Variants in RELL1 observed in about 807,000 individuals in gnomAD.
RELL1 encodes the protein RELT like 1.
Under a neutral mutation model 23.0 loss-of-function variants are expected in RELL1, and 10 were observed. That is an observed-to-expected ratio of 0.43 (90% CI 0.27 to 0.74). The LOEUF (loss-of-function observed/expected upper bound fraction) is 0.74, where lower values mean the gene tolerates loss of function less well. RELL1 is among the 30% of genes least tolerant of loss of function. The pLI, the probability that RELL1 is intolerant of heterozygous loss-of-function variation, is 0.19. For synonymous variants in RELL1, 146 were observed against 146.8 expected, an observed-to-expected ratio of 0.99 and a Z score of 0.04; for missense variants, 315 against 364.4, an observed-to-expected ratio of 0.86 and a Z score of 1.10.
intron 1 of RELL1, among the ~76,000 whole-genome samples, chr4:37,660,894 G>A (rs1483793726): frequency 3.3e-5 from 5 of 152,040 alleles, no homozygotes; most frequent in Admixed American, 2.6e-4. Context: ...AGCCAGGCAT[G>A]GTGGCGGGCG....
downstream of RELL1, among the ~76,000 whole-genome samples, chr4:37,608,155 C>T (rs1719280065): frequency 1.3e-5 from 2 of 152,258 alleles, no homozygotes; most frequent in South Asian, 4.2e-4. Flanking sequence ...TCCCTCTCCT[C>T]AGGCCTCCCT....
chr4:37,603,152 C>G (rs1719061261), intron 6 of RELL1, among the ~76,000 whole-genome samples: 1 of 152,178 alleles, frequency 6.6e-6, no homozygotes, highest in Non-Finnish European at 1.5e-5. Context: ...CAGCACCAAC[C>G]CCCCAACGGC....
chr4:37,621,327 G>A (rs1439877881), intron 6 of RELL1, among the ~76,000 whole-genome samples: 1 of 151,994 alleles, frequency 6.6e-6, no homozygotes, highest in Admixed American at 6.6e-5. Flanking sequence ...GTGGTGGTGG[G>A]CACCTGCAGT....
At chr4:37,667,518 G>A (rs1721577924) in intron 1 of RELL1, among the ~76,000 whole-genome samples, 1 of 147,036 alleles carries the variant, frequency 6.8e-6, no homozygotes, top group Non-Finnish European at 1.5e-5. Context: ...TCAACATTCA[G>A]TAAAAGTCCA....
At chr4:37,621,325 G>A (rs1719755833) in intron 6 of RELL1, among the ~76,000 whole-genome samples, 1 of 151,970 alleles carries the variant, frequency 6.6e-6, no homozygotes. Context: ...GCGTGGTGGT[G>A]GGCACCTGCA....
chr4:37,590,045 A>G, downstream of RELL1: 3 of 1,412,794 alleles, frequency 2.1e-6, no homozygotes, highest in Non-Finnish European at 2.9e-6. Context: ...AAAAGCATTA[A>G]TGATGGAGCA....
intron 6 of RELL1, among the ~76,000 whole-genome samples, chr4:37,627,619 G>A (rs935409395): frequency 6.6e-6 from 1 of 152,112 alleles, no homozygotes; most frequent in Admixed American, 6.5e-5. Flanking sequence ...AAGGGAGAGA[G>A]AGAAATCCTG....
In RELL1 at chr4:37,611,571, AAAAG is replaced by A. The variant is rs1433321291; in HGVS notation, c.*1771_*1774del. ...AGATGTGCATTTTCCTATATGAAAT[AAAAG>A]AAGTGCTCAAGGCACCCCCCAACAC... On this transcript the variant is annotated 3_prime_UTR_variant, in exon 7 of 7. Coordinates refer to ENST00000454158, the MANE Select transcript of RELL1 (RefSeq NM_001085400.2). Among the ~76,000 whole-genome samples the A allele has an allele frequency of 2.6e-5, 4 of 152,200 alleles. No homozygotes were observed. In the East Asian group the frequency reaches 7.7e-4, roughly 29 times the overall value.
rs2109323917 is a variant in RELL1 at position 37,686,240 on chromosome 4, G to A, written c.48C>T (p.Val16=). The stretch of plus-strand genomic sequence containing the variant: ...GCGAACTCACGGCGCCTCCCACGAA[G>A]ACAGCAGCGGCTAGGACGGCGGACC... ...LPGSAVLAAA[V]FVGGAVSSPL... The change falls in exon 1 of 7, where the codon GTC becomes GTT. Residue 16 remains valine, a synonymous_variant. Coordinates refer to ENST00000454158, the MANE Select transcript of RELL1 (RefSeq NM_001085400.2). The A allele has an allele frequency of 6.3e-7, 1 of 1,580,466 alleles. No individual in the cohort carries two copies. The highest frequency in any genetic ancestry group is 8.5e-7 in the Non-Finnish European group (1 of 1,171,466).
chr4:37,604,359 C>CAG (rs111637682), intron 6 of RELL1, among the ~76,000 whole-genome samples: 17,692 of 152,066 alleles, frequency 0.12, 1,153 homozygotes, highest in East Asian at 0.28. Context: ...AACTATAAAT[C>CAG]GGGATTGGAG....
chr4:37,590,502 G>A (rs1288398226), downstream of RELL1: 2 of 1,613,860 alleles, frequency 1.2e-6, no homozygotes, highest in Admixed American at 1.7e-5. Context: ...ACTGTGTGCT[G>A]CTGGCCTCAG....
Position 37,611,724 on chromosome 4 carries a change from C to G in RELL1, c.*1622G>C, listed in dbSNP as rs1719387048. ...CCTTTCAGGTGTTTTGTAAAATGTA[C>G]AGTTATAAAAAAAAAAAAGAAAAAG... On this transcript the variant is annotated 3_prime_UTR_variant, in exon 7 of 7. Coordinates refer to ENST00000454158, the MANE Select transcript of RELL1 (RefSeq NM_001085400.2). Among the ~76,000 whole-genome samples the G allele has an allele frequency of 6.9e-6, 1 of 145,126 alleles. No individual in the cohort carries two copies. Among genetic ancestry groups the G allele is most frequent in the Non-Finnish European group, 1.5e-5 (1 of 66,514 alleles).
downstream of RELL1, among the ~76,000 whole-genome samples, chr4:37,609,018 A>G (rs1397234399): frequency 6.6e-6 from 1 of 152,244 alleles, no homozygotes; most frequent in Non-Finnish European, 1.5e-5. Context: ...ACTGCAGTAA[A>G]TAATCCAGAA....
chr4:37,606,197 G>GA (rs59263297), downstream of RELL1, among the ~76,000 whole-genome samples: 14 of 150,354 alleles, frequency 9.3e-5, no homozygotes, highest in South Asian at 6.3e-4. The surrounding 1 kb of genome is among the most constrained non-coding windows in gnomAD (Gnocchi z 4.1). Context: ...GAAAGAGAAA[G>GA]AAGAAAGAAA....
chr4:37,669,326 C>G (rs1167431518), intron 1 of RELL1, among the ~76,000 whole-genome samples: 13 of 149,678 alleles, frequency 8.7e-5, no homozygotes, highest in African/African-American at 3.2e-4. Context: ...AGGAGCCCCT[C>G]TGCCTGGCCA....
intron 5 of RELL1, among the ~76,000 whole-genome samples, chr4:37,634,338 T>C (rs1278118816): frequency 6.6e-6 from 1 of 152,358 alleles, no homozygotes; most frequent in African/African-American, 2.4e-5. Context: ...CCCTTGCACA[T>C]GGCTTGATGC....
At chr4:37,602,323 G>GTCT (rs1719037658) in intron 6 of RELL1, among the ~76,000 whole-genome samples, 1 of 151,286 alleles carries the variant, frequency 6.6e-6, no homozygotes. Flanking sequence ...AGGAAATATG[G>GTCT]TCTTCACCAG....
chr4:37,665,171 A>G (rs1013805275), intron 1 of RELL1: 29 of 446,544 alleles, frequency 6.5e-5, no homozygotes, highest in African/African-American at 5.6e-4. Context: ...TTAAGATCCT[A>G]TTTGGTAGAA....
chr4:37,649,275 C>T lies in RELL1; in HGVS notation c.313+1G>A. 1 of 1,611,640 alleles carries T rather than the reference C, an allele frequency of 6.2e-7. No homozygotes were observed. The highest frequency in any genetic ancestry group is 8.5e-7 in the Non-Finnish European group (1 of 1,178,062). Reference sequence around the variant, plus strand: ...CAATAAAAAGAGCCCTGGTTATTTACCTATCTTTTCAACCTTTTCCTCTTC... The same window carrying T: ...CAATAAAAAGAGCCCTGGTTATTTATCTATCTTTTCAACCTTTTCCTCTTC... On this transcript the variant is annotated splice_donor_variant, in intron 2 of 6. Transcript: ENST00000454158. LOFTEE classifies it high-confidence loss of function.
Sources: allele counts gnomAD v4.1 joint callset (sites outside exome capture counted in the v4.1 genomes callset), GRCh38; gene constraint gnomAD v4.1.1; non-coding constraint Gnocchi (gnomAD v3.1); transcripts MANE v1.5; gene names NCBI Gene and HGNC (gene_info 2026-07-23, HGNC 2026-07-21).